Variants in UBE3B observed in about 807,000 individuals in gnomAD.
UBE3B encodes ubiquitin protein ligase E3B.
A neutral mutation model predicts 132.3 loss-of-function variants in UBE3B; 80 were observed. The ratio of observed to expected loss-of-function variants is 0.60; its 90% CI spans 0.50 to 0.73. The LOEUF (loss-of-function observed/expected upper bound fraction) is 0.73, where lower values mean the gene tolerates loss of function less well. UBE3B is among the 30% of genes least tolerant of loss of function. UBE3B has a pLI of 0.00. For missense variants in UBE3B, 1,196 were observed against 1,362.5 expected (o/e 0.88, Z 1.92); for synonymous variants, 487 against 520.4 (o/e 0.94, Z 0.87).
chr12:109,524,682 C>T (rs1350951795), intron 23 of UBE3B, among the ~76,000 whole-genome samples, 179 bp downstream of exon 23: 1 of 152,172 alleles, frequency 6.6e-6, no homozygotes, highest in Non-Finnish European at 1.5e-5. Context: ...CCCTCCTTTC[C>T]TTCCCAGTTG....
chr12:109,529,177 A>G (rs1184642521), intron 24 of UBE3B, among the ~76,000 whole-genome samples: 1 of 152,222 alleles, frequency 6.6e-6, no homozygotes, highest in African/African-American at 2.4e-5. Flanking sequence ...TAAATAAATA[A>G]AAAGAAAAAA....
rs191026455 is a variant in UBE3B, at chr12:109,490,536, A to G, written c.631-509A>G. 25 of 1,535,924 alleles carry G rather than the reference A, an allele frequency of 1.6e-5. No homozygotes were observed. The African/African-American group carries it at 2.6e-4, about 16-fold the overall frequency. ...GATTTGGTTTCATATGCTCCTCACA[A>G]CAACCCTGTGAGGTGGTCCGTTGGC... On this transcript the variant is annotated intron_variant, in intron 8 of 27. Transcript: ENST00000342494.
Position 109,503,070 on chromosome 12 carries a change from C to G in UBE3B, c.1330C>G (p.Leu444Val). 1 of 1,614,190 alleles carries G rather than the reference C, an allele frequency of 6.2e-7. No individual in the cohort carries two copies. The highest frequency in any genetic ancestry group is 1.1e-5 in the South Asian group (1 of 91,074). The stretch of plus-strand genomic sequence containing the variant: ...AAAGTCGGCATCAGTCCGGAATATT[C>G]TCAGGCCTGTCGGGGGTAAACGGGT... ...FQKSASVRNI[L>V]RPVGGKRVDS... is the part of the protein sequence containing the mutation. The change falls in exon 14 of 28, where the codon CTC becomes GTC. Residue 444 changes from leucine to valine, a missense_variant. By Grantham distance (32) the Leu-to-Val change is conservative (BLOSUM62 1). Coordinates refer to ENST00000342494, the MANE Select transcript of UBE3B (RefSeq NM_130466.4).
intron 9 of UBE3B, among the ~76,000 whole-genome samples, chr12:109,496,818 C>T (rs1428806246): frequency 6.6e-6 from 1 of 152,198 alleles, no homozygotes; most frequent in Non-Finnish European, 1.5e-5. Flanking sequence ...GTGTTTCCTT[C>T]TGTTCCATGG....
chr12:109,505,011 G>A (rs933921596), intron 14 of UBE3B, among the ~76,000 whole-genome samples: 2 of 151,830 alleles, frequency 1.3e-5, no homozygotes, highest in African/African-American at 2.4e-5. Flanking sequence ...GGGTTTCACT[G>A]TGTTAGCCAG....
chr12:109,518,326 G>A (rs1051726864), intron 19 of UBE3B, among the ~76,000 whole-genome samples: 6 of 152,142 alleles, frequency 3.9e-5, no homozygotes, highest in African/African-American at 1.4e-4. Context: ...GCCATGTGAC[G>A]AGGTGGGCTC....
At position 109,512,401 on chromosome 12, in the gene UBE3B, G is replaced by A. The variant is rs556583501; in HGVS notation, c.1956+1098G>A. ...CACACCCGGGGGATGAGAGAGACTT[G>A]GGGAGGATTGGGCTGTGGCAGGAGC... is the stretch of plus-strand genomic sequence containing the variant. On this transcript the variant is annotated intron_variant, in intron 18 of 27. Coordinates refer to ENST00000342494, the MANE Select transcript of UBE3B (RefSeq NM_130466.4). Among the ~76,000 whole-genome samples, 4 of 152,208 alleles carry A rather than the reference G, an allele frequency of 2.6e-5. No individual in the cohort carries two copies. In the East Asian group the frequency reaches 7.8e-4, roughly 30 times the overall value.
At chr12:109,523,251 G>A (rs537181115) in intron 21 of UBE3B, among the ~76,000 whole-genome samples, 6 of 152,290 alleles carry the variant, frequency 3.9e-5, no homozygotes, top group South Asian at 4.1e-4. Context: ...GTCTGTCGGC[G>A]TTTTCCCCTG....
chr12:109,490,051 A>C, intron 8 of UBE3B, 47 bp downstream of exon 8: 1 of 1,561,392 alleles, frequency 6.4e-7, no homozygotes, highest in Non-Finnish European at 8.8e-7. Flanking sequence ...ACTCTCCAAC[A>C]CCTGCACTTG....
At chr12:109,542,033 G>A in the UBE3B span, among the ~76,000 whole-genome samples, 1 of 152,218 alleles carries the variant, frequency 6.6e-6, no homozygotes, top group East Asian at 1.9e-4. Flanking sequence ...AGATTGTTCA[G>A]GGGGACACCA....
intron 9 of UBE3B, 74 bp from the exon 10 acceptor site, chr12:109,497,744 C>T (rs1566085098): frequency 6.9e-6 from 10 of 1,440,656 alleles, no homozygotes; most frequent in South Asian, 2.3e-5. Flanking sequence ...AATTTGAGCA[C>T]GTTGGTGGGG....
chr12:109,527,700 C>A (rs372705093), intron 24 of UBE3B, among the ~76,000 whole-genome samples: 1 of 151,936 alleles, frequency 6.6e-6, no homozygotes, highest in African/African-American at 2.4e-5. Flanking sequence ...TTGGGAGGGA[C>A]TGCCTGCAAG....
chr12:109,541,423 G>A (rs984189244), downstream of UBE3B, among the ~76,000 whole-genome samples: 2 of 152,208 alleles, frequency 1.3e-5, no homozygotes, highest in African/African-American at 2.4e-5. Flanking sequence ...TTCCCCAGCT[G>A]TAAAGTAGTG....
At chr12:109,537,423 G>A (rs1468521701), downstream of UBE3B, among the ~76,000 whole-genome samples, 3 of 152,114 alleles carry the variant, frequency 2.0e-5, no homozygotes, top group Non-Finnish European at 2.9e-5. Flanking sequence ...GTGGCTTCTC[G>A]CTGCTCCCCT....
rs1046879351 is a variant in UBE3B at position 109,536,031 on chromosome 12, G to T, written c.*1249G>T. The T allele has an allele frequency of 6.6e-6, 1 of 152,164 alleles. No individual in the cohort carries two copies. Among genetic ancestry groups the T allele is most frequent in the Non-Finnish European group, 1.5e-5 (1 of 68,076 alleles). The allele number at this position is 152,164 out of a possible 1,614,324, so 9.4% of individuals were successfully genotyped here. A position where few individuals can be genotyped will look rare whatever the true frequency, so the allele number is the denominator to read the frequency against. Reference sequence around the variant, plus strand: ...GCCAGGAAGGCCCAGTCCCTCCTCTGCTCTCCTCAAAGACGCAAAACATTT... The same window carrying T: ...GCCAGGAAGGCCCAGTCCCTCCTCTTCTCTCCTCAAAGACGCAAAACATTT... On this transcript the variant is annotated 3_prime_UTR_variant, in exon 28 of 28. Coordinates refer to ENST00000342494, the MANE Select transcript of UBE3B (RefSeq NM_130466.4).
Position 109,483,575 on chromosome 12 carries a change from G to A in UBE3B, c.24G>A (p.Ser8=), listed in dbSNP as rs757679020. The change falls in exon 3 of 28, where the codon TCG becomes TCA. Residue 8 remains serine, a synonymous_variant. Transcript: ENST00000342494. Reference sequence around the variant, plus strand: ...ACATGTTCACCCTGTCTCAGACCTCGAGAGCATGGTTCATCGATAGAGCCC... The same window carrying A: ...ACATGTTCACCCTGTCTCAGACCTCAAGAGCATGGTTCATCGATAGAGCCC... MFTLSQT[S]RAWFIDRARQ... is the part of the protein sequence containing the mutation. 1.6e-5 allele frequency: 26 copies of A among 1,596,112 alleles called. No homozygotes were observed. The highest frequency in any genetic ancestry group is 1.7e-4 in the Middle Eastern group (1 of 5,976).
At position 109,530,684 on chromosome 12, in the gene UBE3B, C is replaced by T. The variant is rs1029213789; in HGVS notation, c.2922+26C>T. 8.8e-6 allele frequency: 14 copies of T among 1,595,556 alleles called. No homozygotes were observed. In the Admixed American group the frequency reaches 1.3e-4, roughly 15 times the overall value. ...GTATTTTATTTATTACCTATGCATG[C>T]ATGCATGTATTCTCATAAACCTGGA... On this transcript the variant is annotated intron_variant, in intron 26 of 27. Coordinates refer to ENST00000342494, the MANE Select transcript of UBE3B (RefSeq NM_130466.4).
chr12:109,524,616 C>T (rs1481863698), intron 23 of UBE3B, 113 bp downstream of exon 23: 3 of 1,171,870 alleles, frequency 2.6e-6, no homozygotes, highest in East Asian at 5.0e-5. Flanking sequence ...CTGTCTGGTC[C>T]CTTGTCCTCC....
Position 109,522,770 on chromosome 12 carries a change from C to T in UBE3B, c.2365-1208C>T, listed in dbSNP as rs1019925177. On this transcript the variant is annotated intron_variant, in intron 21 of 27. Coordinates refer to ENST00000342494, the MANE Select transcript of UBE3B (RefSeq NM_130466.4). The surrounding 1 kb of genome is among the most constrained non-coding windows in gnomAD (Gnocchi z 4.2). ...CCCATCTGAGCCCCTGCCCAAACAC[C>T]ATCCAGTCTTCCTTGTGCCCTCCAG... 1.3e-5 allele frequency among the ~76,000 whole-genome samples: 2 copies of T among 152,228 alleles called. No individual in the cohort carries two copies. The highest frequency in any genetic ancestry group is 2.9e-5 in the Non-Finnish European group (2 of 68,034).
Sources: gnomAD v4.1 joint callset for allele counts (sites outside exome capture counted in the v4.1 genomes callset) on GRCh38, gnomAD v4.1.1 for gene constraint, Gnocchi (gnomAD v3.1) non-coding constraint, MANE v1.5 for transcripts, NCBI Gene and HGNC (gene_info 2026-07-23, HGNC 2026-07-21) for gene names.